Variants in PLCXD3 observed in about 807,000 individuals in gnomAD.
The protein encoded by PLCXD3 is PI-PLC X domain-containing protein 3.
In PLCXD3, 19 loss-of-function variants were observed where a neutral mutation model predicts 25.5. The observed-to-expected ratio is 0.75, with a 90% confidence interval of 0.52 to 1.09. PLCXD3 has a LOEUF of 1.09. Among genes scored for constraint, PLCXD3 ranks in the 50% least tolerant of loss-of-function variants. PLCXD3 has a pLI of 0.00. For missense variants in PLCXD3, 411 were observed against 388.1 expected (o/e 1.06, Z -0.50); for synonymous variants, 174 against 137.6 (o/e 1.26, Z -1.85).
chr5:41,485,257 A>C (rs1748493764), intron 1 of PLCXD3, among the ~76,000 whole-genome samples: 1 of 152,176 alleles, frequency 6.6e-6, no homozygotes, highest in Non-Finnish European at 1.5e-5. Context: ...AAAATGTCTT[A>C]ATGGTCATTG....
intron 2 of PLCXD3, among the ~76,000 whole-genome samples, chr5:41,354,683 T>C (rs1341695528): frequency 2.0e-5 from 3 of 152,190 alleles, no homozygotes; most frequent in Middle Eastern, 3.2e-3. Context: ...CCTTTGGGGA[T>C]GTTGGTGTGA....
chr5:41,459,687 T>C (rs1747831558), intron 1 of PLCXD3, among the ~76,000 whole-genome samples: 1 of 151,704 alleles, frequency 6.6e-6, no homozygotes, highest in African/African-American at 2.4e-5. Context: ...TTCCACTCAG[T>C]TCCATCAGAG....
At chr5:41,427,485 T>C (rs1746988852) in intron 1 of PLCXD3, among the ~76,000 whole-genome samples, 1 of 152,200 alleles carries the variant, frequency 6.6e-6, no homozygotes, top group African/African-American at 2.4e-5. Context: ...CTTTGGCTTC[T>C]AAACATTATT....
At chr5:41,417,388 A>T (rs1348971522) in intron 1 of PLCXD3, among the ~76,000 whole-genome samples, 1 of 152,146 alleles carries the variant, frequency 6.6e-6, no homozygotes, top group Non-Finnish European at 1.5e-5. Flanking sequence ...CCTCCTTTTC[A>T]TTCCAGGAAC....
intron 1 of PLCXD3, among the ~76,000 whole-genome samples, chr5:41,465,931 A>G (rs2150518515): frequency 6.6e-6 from 1 of 152,232 alleles, no homozygotes; most frequent in Non-Finnish European, 1.5e-5. Context: ...TTAACTCACA[A>G]AACAAGATCT....
At chr5:41,340,261 C>T (rs542895339) in intron 2 of PLCXD3, among the ~76,000 whole-genome samples, 61 of 152,210 alleles carry the variant, frequency 4.0e-4, no homozygotes, top group African/African-American at 1.3e-3. Context: ...ACTCACTGCA[C>T]GTAGTGTCCC....
At chr5:41,483,623 A>G (rs1748459249) in intron 1 of PLCXD3, among the ~76,000 whole-genome samples, 1 of 152,180 alleles carries the variant, frequency 6.6e-6, no homozygotes, top group Non-Finnish European at 1.5e-5. Flanking sequence ...TGTTCTGTGG[A>G]TGAATGACAG....
chr5:41,333,471 G>T (rs1398549980), intron 2 of PLCXD3, among the ~76,000 whole-genome samples: 1 of 152,236 alleles, frequency 6.6e-6, no homozygotes, highest in South Asian at 2.1e-4. Flanking sequence ...GCATCTATAG[G>T]TTAAAACAAT....
intron 2 of PLCXD3, among the ~76,000 whole-genome samples, chr5:41,331,001 C>A (rs1421691378): frequency 1.3e-5 from 2 of 152,010 alleles, no homozygotes; most frequent in African/African-American, 2.4e-5. Context: ...ACTGAATGGG[C>A]AAAAACTGGA....
At chr5:41,394,955 A>T (rs1383597938) in intron 1 of PLCXD3, among the ~76,000 whole-genome samples, 2 of 152,166 alleles carry the variant, frequency 1.3e-5, no homozygotes, top group Non-Finnish European at 2.9e-5. Context: ...GTTGGACTTC[A>T]TCTGCATCAT....
At chr5:41,475,395 CTGCTAGTCTCTACTAGTCTT>C (rs1580391805) in intron 1 of PLCXD3, among the ~76,000 whole-genome samples, 1 of 152,156 alleles carries the variant, frequency 6.6e-6, no homozygotes, top group Admixed American at 6.5e-5. Flanking sequence ...CTGCTGGCTT[CTGCTAGTCTCTACTAGTCTT>C]TGCTAGTCTC....
At chr5:41,338,527 T>C (rs1744047291) in intron 2 of PLCXD3, among the ~76,000 whole-genome samples, 1 of 152,060 alleles carries the variant, frequency 6.6e-6, no homozygotes, top group Non-Finnish European at 1.5e-5. Context: ...TTGAAAATAT[T>C]GCAGTTTCTT....
At chr5:41,334,131 T>C (rs1279834597) in intron 2 of PLCXD3, among the ~76,000 whole-genome samples, 1 of 152,188 alleles carries the variant, frequency 6.6e-6, no homozygotes, top group Admixed American at 6.6e-5. Flanking sequence ...ACTGAATTGA[T>C]GTTAAAAATT....
intron 2 of PLCXD3, among the ~76,000 whole-genome samples, chr5:41,370,260 A>G (rs1745053232): frequency 6.6e-6 from 1 of 152,206 alleles, no homozygotes; most frequent in Admixed American, 6.5e-5. Context: ...ACAATCCCAG[A>G]CATACAGAGC....
intron 1 of PLCXD3, among the ~76,000 whole-genome samples, chr5:41,405,419 C>T (rs1178509715): frequency 2.0e-5 from 3 of 152,086 alleles, no homozygotes; most frequent in South Asian, 4.1e-4. Flanking sequence ...ACATTCATAT[C>T]GTCTACCCCT....
In PLCXD3 at chr5:41,307,204, C is replaced by G. The variant is rs1743026065; in HGVS notation, c.*6413G>C. The G allele has an allele frequency of 6.6e-6, 1 of 152,496 alleles. No individual in the cohort carries two copies. The allele number at this position is 152,496 out of a possible 1,614,324, so 9.4% of individuals were successfully genotyped here. ...CACCAGCTCTGCAAATTCCCATCCT[C>G]CAGAAATGAAGCAAATCAACACAAA... is the stretch of plus-strand genomic sequence containing the variant. On this transcript the variant is annotated 3_prime_UTR_variant, in exon 3 of 3. Coordinates refer to ENST00000377801, the MANE Select transcript of PLCXD3 (RefSeq NM_001005473.3).
At chr5:41,323,064 T>A (rs1044181910) in intron 2 of PLCXD3, among the ~76,000 whole-genome samples, 1 of 152,164 alleles carries the variant, frequency 6.6e-6, no homozygotes, top group African/African-American at 2.4e-5. Context: ...TTCAGTCATT[T>A]GCAACGACAT....
intron 2 of PLCXD3, among the ~76,000 whole-genome samples, chr5:41,332,056 C>T (rs375612438): frequency 5.3e-5 from 8 of 152,268 alleles, no homozygotes; most frequent in South Asian, 2.1e-4. Flanking sequence ...GTCTAAAACA[C>T]GAAAAGCAAT....
intron 1 of PLCXD3, among the ~76,000 whole-genome samples, chr5:41,471,801 C>T (rs1165904343): frequency 4.4e-4 from 10 of 22,546 alleles, no homozygotes; most frequent in African/African-American, 1.2e-3. Context: ...CCTTCCCTTC[C>T]CTTCCCCTCC....
Sources: gnomAD v4.1 joint callset for allele counts (sites outside exome capture counted in the v4.1 genomes callset) on GRCh38, gnomAD v4.1.1 for gene constraint, MANE v1.5 for transcripts, NCBI Gene and HGNC (gene_info 2026-07-23, HGNC 2026-07-21) for gene names.